HHIPL1: variants seen among roughly 807,000 people sequenced by gnomAD.
HHIPL1 encodes HHIP like 1.
A neutral mutation model predicts 61.8 loss-of-function variants in HHIPL1; 43 were observed. The ratio of observed to expected loss-of-function variants is 0.70; its 90% CI spans 0.55 to 0.90. HHIPL1 has a LOEUF of 0.90. Among genes scored for constraint, HHIPL1 ranks in the 40% least tolerant of loss-of-function variants. The pLI is 0.00. For synonymous variants in HHIPL1, 482 were observed against 515.8 expected (o/e 0.93, Z 0.89); for missense variants, 1,056 against 1,157.7 (o/e 0.91, Z 1.28).
the HHIPL1 span, chr14:99,625,252 C>G: frequency 1.3e-5 from 2 of 152,232 alleles, no homozygotes; most frequent in African/African-American, 4.8e-5. Context: ...CCTGAGCAAC[C>G]TCCTCCCATC....
Position 99,675,255 on chromosome 14 carries a change from C to T in HHIPL1, c.1978C>T (p.Arg660Trp), listed in dbSNP as rs2056374827. 2 of 1,236,086 alleles carry T rather than the reference C, an allele frequency of 1.6e-6. No individual in the cohort carries two copies. The highest frequency in any genetic ancestry group is 1.6e-5 in the African/African-American group (1 of 63,788). 76.6% of individuals were successfully genotyped at this position (1,236,086 alleles called of 1,614,324 possible). The change falls in exon 9 of 9, where the codon CGG becomes TGG. Residue 660 changes from arginine (R) to tryptophan (W), a missense_variant. Transcript: ENST00000330710. The surrounding 1 kb of genome is among the most constrained non-coding windows in gnomAD (Gnocchi z 5.4). ...GAGGGGCGGCGGGCGGCGGCGGGGGCGGCTGAACTCGGCGAGCCGGGCGTT... is the reference window on the plus strand; with the variant it reads ...GAGGGGCGGCGGGCGGCGGCGGGGGTGGCTGAACTCGGCGAGCCGGGCGTT... ...SRRGGGRRRG[R>W]LNSASRAFRD...
At position 99,660,424 on chromosome 14, in the gene HHIPL1, C is replaced by A; in HGVS notation, c.1502+18C>A. 6.2e-7 allele frequency: 1 copy of A among 1,603,904 alleles called. No homozygotes were observed. Among genetic ancestry groups the A allele is most frequent in the Non-Finnish European group, 8.5e-7 (1 of 1,173,058 alleles). ...ATGAGCGGGTAAGTGACCTAGTGCC[C>A]TCGCGCCCCTGGCTGCTGCCACTGG... On this transcript the variant is annotated intron_variant, in intron 5 of 8. Transcript: ENST00000330710. This position sits in a 1 kb window ranked among gnomAD's most constrained non-coding sequence, Gnocchi z 4.9.
rs2056425445 is a variant in HHIPL1, at chr14:99,680,026, C to T, written c.*4400C>T. 6.6e-6 allele frequency: 1 copy of T among 152,190 alleles called. No individual in the cohort carries two copies. The highest frequency in any genetic ancestry group is 1.5e-5 in the Non-Finnish European group (1 of 68,032). The allele number at this position is 152,190 out of a possible 1,614,324, so 9.4% of individuals were successfully genotyped here. The stretch of plus-strand genomic sequence containing the variant: ...GGTGTGTCAGCTCATTTAATCTTGA[C>T]AACAGCTCCACGAGACACCCTCAAT... On this transcript the variant is annotated 3_prime_UTR_variant, in exon 9 of 9. Transcript: ENST00000330710.
the HHIPL1 span, among the ~76,000 whole-genome samples, chr14:99,610,300 C>G: frequency 1.2e-4 from 18 of 152,168 alleles, 1 homozygote; most frequent in Admixed American, 1.1e-3. Context: ...AAGCATATGC[C>G]TGGGAGCCCA....
intron 8 of HHIPL1, 130 bp downstream of exon 8, chr14:99,672,529 A>G: frequency 1.4e-6 from 1 of 724,754 alleles, no homozygotes; most frequent in Non-Finnish European, 2.4e-6. Context: ...TGTGCCTAGC[A>G]CTGTGCCTGG....
intron 2 of HHIPL1, among the ~76,000 whole-genome samples, chr14:99,656,787 A>AAG (rs1555377258): frequency 4.9e-5 from 1 of 20,416 alleles, no homozygotes; most frequent in African/African-American, 1.1e-4. Flanking sequence ...AAAAGAAAAG[A>AAG]AAAGAAAGAA....
At chr14:99,642,451 C>A (rs1214433107), upstream of HHIPL1, among the ~76,000 whole-genome samples, 1 of 152,056 alleles carries the variant, frequency 6.6e-6, no homozygotes, top group African/African-American at 2.4e-5. Context: ...GTGTTCTCCT[C>A]GGCAGTCTCA....
chr14:99,627,641 G>A, the HHIPL1 span, among the ~76,000 whole-genome samples: 4 of 152,218 alleles, frequency 2.6e-5, no homozygotes, highest in African/African-American at 4.8e-5. This position sits in a 1 kb window ranked among gnomAD's most constrained non-coding sequence, Gnocchi z 4.4. Context: ...CCAGGAAGCT[G>A]GGGCAACTGC....
Position 99,675,120 on chromosome 14 carries a change from C to T in HHIPL1, c.1843C>T (p.Arg615Trp), listed in dbSNP as rs1246703043. 4 of 1,156,400 alleles carry T rather than the reference C, an allele frequency of 3.5e-6. No individual in the cohort carries two copies. The highest frequency in any genetic ancestry group is 4.3e-6 in the Non-Finnish European group (4 of 928,668). 71.6% of individuals were successfully genotyped at this position (1,156,400 alleles called of 1,614,324 possible). The change falls in exon 9 of 9, where the codon CGG (arginine) becomes TGG (tryptophan). Residue 615 changes from arginine (R) to tryptophan (W), a missense_variant. Physicochemically the swap from Arg to Trp is moderately radical, Grantham distance 101. Transcript: ENST00000330710. The surrounding 1 kb of genome is among the most constrained non-coding windows in gnomAD (Gnocchi z 5.4). ...KFIPKTRSTP[R>W]PTARAPTRAP... ...CATCCCGAAGACACGGAGCACCCCG[C>T]GGCCTACAGCGCGGGCGCCCACGCG...
chr14:99,677,679 C>T lies in HHIPL1; in HGVS notation c.*2053C>T, dbSNP rs1231413917. The T allele has an allele frequency of 6.6e-6, 1 of 152,308 alleles. No individual in the cohort carries two copies. Among genetic ancestry groups the T allele is most frequent in the Non-Finnish European group, 1.5e-5 (1 of 68,118 alleles). The allele number at this position is 152,308 out of a possible 1,614,324, so 9.4% of individuals were successfully genotyped here. ...GGAAGGTGCAGCAAGCCTTGAGGCCCTCAAGAATGCAGCCGAGCCAGGGCC... is the reference window on the plus strand; with the variant it reads ...GGAAGGTGCAGCAAGCCTTGAGGCCTTCAAGAATGCAGCCGAGCCAGGGCC... On this transcript the variant is annotated 3_prime_UTR_variant, in exon 9 of 9. Transcript: ENST00000330710. This position sits in a 1 kb window ranked among gnomAD's most constrained non-coding sequence, Gnocchi z 4.3.
Position 99,675,826 on chromosome 14 carries a change from G to A in HHIPL1, c.*200G>A. The A allele has an allele frequency of 2.1e-6, 1 of 487,338 alleles. No individual in the cohort carries two copies. The highest frequency in any genetic ancestry group is 3.5e-6 in the Non-Finnish European group (1 of 287,176). The allele number at this position is 487,338 out of a possible 1,614,324, so 30.2% of individuals were successfully genotyped here. On this transcript the variant is annotated 3_prime_UTR_variant, in exon 9 of 9. Coordinates refer to ENST00000330710, the MANE Select transcript of HHIPL1 (RefSeq NM_001127258.3). This position sits in a 1 kb window ranked among gnomAD's most constrained non-coding sequence, Gnocchi z 5.4. ...AAGGCAGGAGTGTGTGTTGGGGGCG[G>A]TGTGGGCTCTGGAAGTGCATGGTCC... is the stretch of plus-strand genomic sequence containing the variant.
chr14:99,635,478 A>G, the HHIPL1 span, among the ~76,000 whole-genome samples: 1 of 152,156 alleles, frequency 6.6e-6, no homozygotes, highest in African/African-American at 2.4e-5. Context: ...CAGAGCATCC[A>G]CAGGAAAGTG....
At chr14:99,641,893 C>A (rs2055756832), upstream of HHIPL1, among the ~76,000 whole-genome samples, 1 of 151,110 alleles carries the variant, frequency 6.6e-6, no homozygotes, top group Admixed American at 6.6e-5. Context: ...CTCTTAGATT[C>A]TTGGATCTGT....
chr14:99,608,098 A>G, the HHIPL1 span, among the ~76,000 whole-genome samples: 1 of 151,988 alleles, frequency 6.6e-6, no homozygotes, highest in Non-Finnish European at 1.5e-5. Context: ...AAGCAGTACA[A>G]GCAAAGGCCC....
At chr14:99,647,545 G>C (rs549424646) in intron 1 of HHIPL1, among the ~76,000 whole-genome samples, 76 of 152,364 alleles carry the variant, frequency 5.0e-4, no homozygotes, top group African/African-American at 1.8e-3. Flanking sequence ...GCAACCAGCA[G>C]TTAGCAGGAG....
chr14:99,638,501 TGTGCCCTGATA>T, the HHIPL1 span, among the ~76,000 whole-genome samples: 14 of 152,350 alleles, frequency 9.2e-5, no homozygotes, highest in African/African-American at 2.6e-4. Context: ...CACTGGCCTA[TGTGCCCTGATA>T]GTGGCAGCCG....
At chr14:99,637,187 TGGAAGAAAGAAA>T in the HHIPL1 span, among the ~76,000 whole-genome samples, 48 of 33,470 alleles carry the variant, frequency 1.4e-3, no homozygotes, top group African/African-American at 5.4e-3. Context: ...AAAGAAAGAA[TGGAAGAAAGAAA>T]GGAAGAAAGA....
At chr14:99,666,677 G>A (rs927992183) in intron 6 of HHIPL1, among the ~76,000 whole-genome samples, 2 of 152,216 alleles carry the variant, frequency 1.3e-5, no homozygotes, top group Non-Finnish European at 2.9e-5. Context: ...CCAGAGGGGA[G>A]TGGACGGCCC....
chr14:99,649,685 C>T (rs1188447456), intron 1 of HHIPL1, among the ~76,000 whole-genome samples: 1 of 152,204 alleles, frequency 6.6e-6, no homozygotes, highest in Non-Finnish European at 1.5e-5. Context: ...GTTCCAGCTA[C>T]TCTGGAGGCT....
Sources: gnomAD v4.1 joint callset for allele counts (sites outside exome capture counted in the v4.1 genomes callset) on GRCh38, gnomAD v4.1.1 for gene constraint, Gnocchi (gnomAD v3.1) non-coding constraint, MANE v1.5 for transcripts, NCBI Gene and HGNC (gene_info 2026-07-23, HGNC 2026-07-21) for gene names.